The following EEF1AKMT2 variants were observed in gnomAD, a reference collection of about 807,000 sequenced individuals.
The protein encoded by EEF1AKMT2 is eukaryotic translation elongation factor 1 alpha lysine methyltransferase 2.
A neutral mutation model predicts 35.8 loss-of-function variants in EEF1AKMT2; 32 were observed. That is an observed-to-expected ratio of 0.89 (90% CI 0.67 to 1.20). The LOEUF is 1.20. EEF1AKMT2 is among the 50% of genes most tolerant of loss of function. The probability of loss-of-function intolerance (pLI) is 0.00; values close to 1 mark genes in which losing one functional copy is unlikely to be tolerated. For synonymous variants in EEF1AKMT2, 121 were observed against 133.7 expected (o/e 0.91, Z 0.65); for missense variants, 330 against 347.5 (o/e 0.95, Z 0.40).
At chr10:124,761,919 C>T (rs1950334882) in intron 6 of EEF1AKMT2, among the ~76,000 whole-genome samples, 1 of 152,132 alleles carries the variant, frequency 6.6e-6, no homozygotes, top group Non-Finnish European at 1.5e-5. Context: ...CAGACTCTGT[C>T]TCAAAATAAA....
intron 3 of EEF1AKMT2, among the ~76,000 whole-genome samples, chr10:124,778,320 C>T (rs541146550): frequency 3.5e-4 from 53 of 151,956 alleles, no homozygotes; most frequent in Non-Finnish European, 6.2e-4. Flanking sequence ...TAAGAATACT[C>T]CAATAGTGAC....
At chr10:124,756,857 A>G (rs1950290275), downstream of EEF1AKMT2, among the ~76,000 whole-genome samples, 1 of 152,180 alleles carries the variant, frequency 6.6e-6, no homozygotes, top group South Asian at 2.1e-4. Context: ...TTGACCAAAG[A>G]ATTTCAAACT....
Position 124,791,854 on chromosome 10 carries a change from G to C in EEF1AKMT2, c.-21C>G, listed in dbSNP as rs1472049131. 25 of 1,544,816 alleles carry C rather than the reference G, an allele frequency of 1.6e-5. No individual in the cohort carries two copies. The highest frequency in any genetic ancestry group is 2.1e-5 in the Non-Finnish European group (24 of 1,151,480). On this transcript the variant is annotated 5_prime_UTR_variant, in exon 1 of 7. Transcript: ENST00000368836. ...CTCATTTCGCTCCACGTCCTGGACG[G>C]CCGTTGGGGCCGCCATAGAGACGGG...
intron 4 of EEF1AKMT2, chr10:124,765,868 C>T (rs1158819079): frequency 3.3e-5 from 11 of 332,218 alleles, no homozygotes; most frequent in Non-Finnish European, 5.5e-5. Context: ...CAAAGCTAGC[C>T]ATATTCCCTA....
At position 124,774,617 on chromosome 10, in the gene EEF1AKMT2, T is replaced by C. The variant is rs566433815; in HGVS notation, c.399+58A>G. 3.4e-6 allele frequency: 3 copies of C among 884,548 alleles called. No homozygotes were observed. The South Asian group carries it at 1.2e-4, about 35-fold the overall frequency. 54.8% of individuals were successfully genotyped at this position (884,548 alleles called of 1,614,324 possible). ...TGAGTTTAAAACCTGTCAATTAATA[T>C]GCTCTAGAAACATTTAACCTCTATT... On this transcript the variant is annotated intron_variant, in intron 4 of 6. Transcript: ENST00000368836.
At chr10:124,769,442 A>T (rs1221835639) in intron 4 of EEF1AKMT2, among the ~76,000 whole-genome samples, 1 of 151,656 alleles carries the variant, frequency 6.6e-6, no homozygotes, top group Non-Finnish European at 1.5e-5. Context: ...AAGTTGAGAG[A>T]CTATTAGCTT....
chr10:124,757,061 A>G (rs4962696), downstream of EEF1AKMT2, among the ~76,000 whole-genome samples: 113,059 of 151,714 alleles, frequency 0.75, 42,287 homozygotes, highest in South Asian at 0.85. Flanking sequence ...TCTTTCAGCC[A>G]TATATGCTCT....
intron 3 of EEF1AKMT2, among the ~76,000 whole-genome samples, chr10:124,782,018 T>C (rs948265341): frequency 6.6e-6 from 1 of 151,786 alleles, no homozygotes; most frequent in Non-Finnish European, 1.5e-5. Context: ...ACTATATATA[T>C]TGTAATCTAC....
At position 124,791,765 on chromosome 10, in the gene EEF1AKMT2, C is replaced by T. The variant is rs755861097; in HGVS notation, c.69G>A (p.Gly23=). 3.3e-5 allele frequency: 52 copies of T among 1,595,558 alleles called. No individual in the cohort carries two copies. In the African/African-American group the frequency reaches 6.4e-4, roughly 20 times the overall value. The part of the protein sequence containing the change: ...VAARSDKGSP[G]EDGFVPSALG... ...GCGCCGACGGGACGAAACCGTCCTC[C>T]CCGGGACTGCCCTTGTCCGACCGCG... is the stretch of plus-strand genomic sequence containing the variant. Residue 23 remains glycine (G), a synonymous_variant, in exon 1 of 7, where the codon GGG becomes GGA. Coordinates refer to ENST00000368836, the MANE Select transcript of EEF1AKMT2 (RefSeq NM_212554.4).
chr10:124,756,431 G>A (rs1003685823), downstream of EEF1AKMT2, among the ~76,000 whole-genome samples: 15 of 152,172 alleles, frequency 9.9e-5, no homozygotes, highest in Non-Finnish European at 1.6e-4. Flanking sequence ...AAGCAGGATA[G>A]GATATTGATA....
intron 3 of EEF1AKMT2, among the ~76,000 whole-genome samples, chr10:124,776,664 G>A (rs1950489996): frequency 6.6e-6 from 1 of 151,666 alleles, no homozygotes; most frequent in Admixed American, 6.6e-5. Flanking sequence ...TTGTGGTGGT[G>A]AGTGCCTGTA....
At chr10:124,775,869 TG>T (rs955531699) in intron 3 of EEF1AKMT2, among the ~76,000 whole-genome samples, 52 of 152,244 alleles carry the variant, frequency 3.4e-4, no homozygotes, top group African/African-American at 1.3e-3. Flanking sequence ...ACTGCTTCTC[TG>T]GGAGACCTAG....
At position 124,767,089 on chromosome 10, in the gene EEF1AKMT2, A is replaced by T. The variant is rs1950384530; in HGVS notation, c.400-1481T>A. On this transcript the variant is annotated intron_variant, in intron 4 of 6. Transcript: ENST00000368836. The stretch of plus-strand genomic sequence containing the variant: ...GGCAGGAGAATGGCGTGAACCCGGG[A>T]GGCAGAGCTTGCAGTGAGCCGAGAT... Among the ~76,000 whole-genome samples, 9 of 146,780 alleles carry T rather than the reference A, an allele frequency of 6.1e-5. No individual in the cohort carries two copies. The Admixed American group carries it at 6.2e-4, about 10-fold the overall frequency.
rs369573542 is a variant in EEF1AKMT2, at chr10:124,788,969, T to A, written c.291+74A>T. On this transcript the variant is annotated intron_variant, in intron 3 of 6. Transcript: ENST00000368836. ...CTATTTTATATTTAGATGGTTAATA[T>A]CCTCAATTGCAGGGCCTTTAAAAAT... 7.2e-4 allele frequency: 667 copies of A among 930,774 alleles called. 9 individuals are homozygous for A. In the South Asian group the frequency reaches 9.4e-3, roughly 13 times the overall value. The allele number at this position is 930,774 out of a possible 1,614,324, so 57.7% of individuals were successfully genotyped here. A position where few individuals can be genotyped will look rare whatever the true frequency, so the allele number is the denominator to read the frequency against.
intron 4 of EEF1AKMT2, among the ~76,000 whole-genome samples, chr10:124,771,571 TA>T (rs1301318139): frequency 6.6e-6 from 1 of 151,802 alleles, no homozygotes; most frequent in Non-Finnish European, 1.5e-5. Flanking sequence ...TTAACAGGCA[TA>T]AAAACAAGAT....
chr10:124,782,374 A>C (rs1048132354), intron 3 of EEF1AKMT2, among the ~76,000 whole-genome samples: 12 of 151,948 alleles, frequency 7.9e-5, no homozygotes, highest in African/African-American at 2.2e-4. Flanking sequence ...CGAGGTCAGG[A>C]GATCGAGACC....
intron 4 of EEF1AKMT2, among the ~76,000 whole-genome samples, chr10:124,772,829 G>A (rs1481789394): frequency 6.6e-6 from 1 of 152,180 alleles, no homozygotes; most frequent in Non-Finnish European, 1.5e-5. Context: ...GAATTGAAAA[G>A]AGTCAAGGCC....
chr10:124,787,246 C>T (rs927615739), intron 3 of EEF1AKMT2, among the ~76,000 whole-genome samples: 3 of 152,016 alleles, frequency 2.0e-5, no homozygotes, highest in African/African-American at 7.2e-5. Context: ...CAGCGCCCAG[C>T]CACAAAGGAA....
chr10:124,784,362 A>G (rs1032223170), intron 3 of EEF1AKMT2, among the ~76,000 whole-genome samples: 4 of 152,188 alleles, frequency 2.6e-5, no homozygotes, highest in Admixed American at 2.0e-4. Flanking sequence ...AATTAGAAAA[A>G]TTAGAAAATA....
Sources: allele counts gnomAD v4.1 joint callset (sites outside exome capture counted in the v4.1 genomes callset), GRCh38; gene constraint gnomAD v4.1.1; transcripts MANE v1.5; gene names NCBI Gene and HGNC (gene_info 2026-07-23, HGNC 2026-07-21).